The following R3HDM4 variants were observed in gnomAD, a reference collection of about 807,000 sequenced individuals.
The protein encoded by R3HDM4 is R3H domain-containing protein 4.
In R3HDM4, 30 loss-of-function variants were observed where a neutral mutation model predicts 31.3. The ratio of observed to expected loss-of-function variants is 0.96; its 90% CI spans 0.72 to 1.30. The LOEUF (loss-of-function observed/expected upper bound fraction) is 1.30, where lower values mean the gene tolerates loss of function less well. R3HDM4 is among the 50% of genes most tolerant of loss of function. The pLI is 0.00. For missense variants in R3HDM4, 444 were observed against 366.1 expected (o/e 1.21, Z -1.74); for synonymous variants, 196 against 156.6 (o/e 1.25, Z -1.88).
Position 901,564 on chromosome 19 carries a change from C to G in R3HDM4, c.227-18G>C, listed in dbSNP as rs776194204. On this transcript the variant is annotated intron_variant, in intron 2 of 7. Coordinates refer to ENST00000361574, the MANE Select transcript of R3HDM4 (RefSeq NM_138774.4). ...GTACTGGGCTAGGTGGAAACAGATG[C>G]TCTCTGGGCCGGGGTGGCATTTGGG... is the stretch of plus-strand genomic sequence containing the variant. 2.1e-5 allele frequency: 34 copies of G among 1,591,778 alleles called. 1 individual carries two copies. In the South Asian group the frequency reaches 3.6e-4, roughly 17 times the overall value.
intron 7 of R3HDM4, among the ~76,000 whole-genome samples, chr19:898,288 C>T (rs12985393): frequency 0.21 from 30,617 of 148,436 alleles, 3,955 homozygotes; most frequent in Non-Finnish European, 0.28. Flanking sequence ...ACCTGTAGTC[C>T]CAGCTACTCG....
chr19:901,305 TAGG>T, intron 3 of R3HDM4, 114 bp downstream of exon 3: 8 of 1,149,954 alleles, frequency 7.0e-6, no homozygotes, highest in Non-Finnish European at 9.8e-6. Context: ...GGGCCTTCAT[TAGG>T]AGATCAGAAG....
At chr19:900,692 A>G (rs1373413816) in intron 4 of R3HDM4, 137 bp downstream of exon 4, 1 of 252,370 alleles carries the variant, frequency 4.0e-6, no homozygotes, top group East Asian at 2.9e-4. Context: ...TGGGCCCAAC[A>G]TACTAGGTCC....
At chr19:898,934 A>C (rs1047682568) in intron 7 of R3HDM4, among the ~76,000 whole-genome samples, 3 of 152,146 alleles carry the variant, frequency 2.0e-5, no homozygotes, top group Admixed American at 2.0e-4. Flanking sequence ...TCAGGACCAG[A>C]TGGGGTGCCT....
intron 1 of R3HDM4, among the ~76,000 whole-genome samples, chr19:904,687 G>A (rs915896191): frequency 2.6e-5 from 4 of 151,838 alleles, no homozygotes; most frequent in Non-Finnish European, 1.5e-5. Flanking sequence ...GAGGAGGGAG[G>A]ATCACTTGAG....
At position 897,392 on chromosome 19, in the gene R3HDM4, T is replaced by C. The variant is rs2036752513; in HGVS notation, c.*45A>G. On this transcript the variant is annotated 3_prime_UTR_variant, in exon 8 of 8. Coordinates refer to ENST00000361574, the MANE Select transcript of R3HDM4 (RefSeq NM_138774.4). Reference sequence around the variant, plus strand: ...ATTTTAGCCGAAGGTATCGGAGGGCTTGATGGCTGGGCGAGGTGGCAGCGG... The same window carrying C: ...ATTTTAGCCGAAGGTATCGGAGGGCCTGATGGCTGGGCGAGGTGGCAGCGG... 1 of 1,421,352 alleles carries C rather than the reference T, an allele frequency of 7.0e-7. No homozygotes were observed. Among genetic ancestry groups the C allele is most frequent in the East Asian group, 2.4e-5 (1 of 42,242 alleles). The allele number at this position is 1,421,352 out of a possible 1,614,324, so 88.0% of individuals were successfully genotyped here.
At position 911,941 on chromosome 19, in the gene R3HDM4, C is replaced by A. The variant is rs927865543; in HGVS notation, c.71+1146G>T. On this transcript the variant is annotated intron_variant, in intron 1 of 7. Coordinates refer to ENST00000361574, the MANE Select transcript of R3HDM4 (RefSeq NM_138774.4). ...AGCCCAGAGGGCGAGTGGGGCCGGG[C>A]GTGCGGCAGGGACCAGGCTGGAGCG... Among the ~76,000 whole-genome samples the A allele has an allele frequency of 2.0e-5, 3 of 149,988 alleles. No individual in the cohort carries two copies. In the East Asian group the frequency reaches 6.0e-4, roughly 30 times the overall value.
chr19:905,159 G>A (rs933103766), intron 1 of R3HDM4, among the ~76,000 whole-genome samples: 2 of 151,874 alleles, frequency 1.3e-5, no homozygotes, highest in African/African-American at 2.4e-5. Context: ...AGTGAGCCAA[G>A]ATTGTGCCAC....
At chr19:903,857 C>T (rs10412459) in intron 1 of R3HDM4, among the ~76,000 whole-genome samples, 103,045 of 151,848 alleles carry the variant, frequency 0.68, 35,735 homozygotes, top group African/African-American at 0.81. Context: ...GAGACCATCC[C>T]GGCTAACACG....
intron 4 of R3HDM4, among the ~76,000 whole-genome samples, chr19:900,377 C>A (rs1356415118): frequency 6.6e-6 from 1 of 151,926 alleles, no homozygotes; most frequent in Non-Finnish European, 1.5e-5. Context: ...GTATGTTCAC[C>A]CCAGCTAGAC....
intron 4 of R3HDM4, 43 bp downstream of exon 4, chr19:900,786 C>A (rs756083111): frequency 4.2e-6 from 5 of 1,192,570 alleles, no homozygotes; most frequent in Admixed American, 4.8e-5. Flanking sequence ...CGCCCCCATC[C>A]ATACCCTGGC....
At position 901,976 on chromosome 19, in the gene R3HDM4, T is replaced by C; in HGVS notation, c.226A>G (p.Thr76Ala). Residue 76 changes from threonine to alanine, a missense_variant and splice_region_variant, in exon 2 of 8, where the codon ACC (threonine) becomes GCC (alanine). Transcript: ENST00000361574. The part of the protein sequence containing the change: ...GRKSLQRLEN[T>A]QYLLTLLETD... ...GAGGCGCCTCCCGACCCCTGCTCAC[T>C]GTTCTCCAGGCGCTGGAGGCTCTTC... is the stretch of plus-strand genomic sequence containing the variant. 6.2e-7 allele frequency: 1 copy of C among 1,613,638 alleles called. No homozygotes were observed. The highest frequency in any genetic ancestry group is 1.3e-5 in the African/African-American group (1 of 75,064).
At position 899,721 on chromosome 19, in the gene R3HDM4, G is replaced by A. The variant is rs1465264890; in HGVS notation, c.562-35C>T. The A allele has an allele frequency of 6.7e-7, 1 of 1,497,010 alleles. No homozygotes were observed. The allele number at this position is 1,497,010 out of a possible 1,614,324, so 92.7% of individuals were successfully genotyped here. A position where few individuals can be genotyped will look rare whatever the true frequency, so the allele number is the denominator to read the frequency against. ...GCGGCCCGGTGGTCAGGGAACTGCG[G>A]GACCTGTGGGTGGGGGGCCAGGGAG... On this transcript the variant is annotated intron_variant, in intron 5 of 7. Coordinates refer to ENST00000361574, the MANE Select transcript of R3HDM4 (RefSeq NM_138774.4). The surrounding 1 kb of genome is among the most constrained non-coding windows in gnomAD (Gnocchi z 6.8).
chr19:907,353 C>A lies in R3HDM4; in HGVS notation c.72-5223G>T. Among the ~76,000 whole-genome samples the A allele has an allele frequency of 6.7e-6, 1 of 148,396 alleles. No homozygotes were observed. Among genetic ancestry groups the A allele is most frequent in the East Asian group, 1.9e-4 (1 of 5,176 alleles). On this transcript the variant is annotated intron_variant, in intron 1 of 7. Transcript: ENST00000361574. The surrounding 1 kb of genome is among the most constrained non-coding windows in gnomAD (Gnocchi z 4.1). ...TCCCATGCCCCAGATTCACCCACAG[C>A]CCCCCCTGAGGCCCCGGGGCCTACT...
At position 899,399 on chromosome 19, in the gene R3HDM4, G is replaced by C. The variant is rs758200674; in HGVS notation, c.703+41C>G. ...GGGACCCTGGCCACTTTCCCAGGTT[G>C]AGCTGGCCAACTTGGGGTCTTGGGG... On this transcript the variant is annotated intron_variant, in intron 7 of 7. Transcript: ENST00000361574. The surrounding 1 kb of genome is among the most constrained non-coding windows in gnomAD (Gnocchi z 6.8). 1.7e-5 allele frequency: 27 copies of C among 1,606,026 alleles called. No individual in the cohort carries two copies. In the Admixed American group the frequency reaches 4.5e-4, roughly 27 times the overall value.
Position 899,516 on chromosome 19 carries a change from G to C in R3HDM4, c.648-21C>G. On this transcript the variant is annotated intron_variant, in intron 6 of 7. Transcript: ENST00000361574. This position sits in a 1 kb window ranked among gnomAD's most constrained non-coding sequence, Gnocchi z 6.8. ...CGAAGCTGTGGGGAACGGGCAGTGA[G>C]CGCCGTGCAGGGGCTGCAGCGTGGG... 1 of 1,613,508 alleles carries C rather than the reference G, an allele frequency of 6.2e-7. No homozygotes were observed. Among genetic ancestry groups the C allele is most frequent in the South Asian group, 1.1e-5 (1 of 91,080 alleles).
chr19:897,385 G>A lies in R3HDM4; in HGVS notation c.*52C>T, dbSNP rs946720548. The A allele has an allele frequency of 3.2e-5, 43 of 1,341,184 alleles. No homozygotes were observed. The East Asian group carries it at 5.6e-4, about 17-fold the overall frequency. 83.1% of individuals were successfully genotyped at this position (1,341,184 alleles called of 1,614,324 possible). ...GAAAGATATTTTAGCCGAAGGTATC[G>A]GAGGGCTTGATGGCTGGGCGAGGTG... On this transcript the variant is annotated 3_prime_UTR_variant, in exon 8 of 8. Coordinates refer to ENST00000361574, the MANE Select transcript of R3HDM4 (RefSeq NM_138774.4).
At chr19:903,661 G>A (rs2036866250) in intron 1 of R3HDM4, among the ~76,000 whole-genome samples, 1 of 152,234 alleles carries the variant, frequency 6.6e-6, no homozygotes, top group African/African-American at 2.4e-5. Flanking sequence ...AGCCCAAGGT[G>A]GGTGGATCCC....
At chr19:909,625 G>A (rs879742838) in intron 1 of R3HDM4, among the ~76,000 whole-genome samples, 2 of 151,424 alleles carry the variant, frequency 1.3e-5, no homozygotes, top group Non-Finnish European at 2.9e-5. Context: ...GTGAAACCCC[G>A]TCTCTACTAA....
Sources: gnomAD v4.1 joint callset for allele counts (sites outside exome capture counted in the v4.1 genomes callset) on GRCh38, gnomAD v4.1.1 for gene constraint, Gnocchi (gnomAD v3.1) non-coding constraint, MANE v1.5 for transcripts, NCBI Gene and HGNC (gene_info 2026-07-23, HGNC 2026-07-21) for gene names.